Variants in PRRC2B observed in about 807,000 individuals in gnomAD.
The protein encoded by PRRC2B is proline rich coiled-coil 2B, also known as protein PRRC2B.
A neutral mutation model predicts 242.3 loss-of-function variants in PRRC2B; 68 were observed. That is an observed-to-expected ratio of 0.28 (90% CI 0.23 to 0.34). PRRC2B has a LOEUF of 0.34. PRRC2B is among the 10% of genes least tolerant of loss of function. The pLI is 1.00. For synonymous variants in PRRC2B, 1,228 were observed against 1,173.6 expected, an observed-to-expected ratio of 1.05 and a Z score of -0.95; for missense variants, 2,835 against 2,954.8, an observed-to-expected ratio of 0.96 and a Z score of 0.94.
intron 1 of PRRC2B, among the ~76,000 whole-genome samples, chr9:131,415,970 T>A (rs1837637511): frequency 6.7e-6 from 1 of 148,926 alleles, no homozygotes; most frequent in African/African-American, 2.5e-5. Flanking sequence ...CCCACCCCCA[T>A]GTTTCTGGAA....
intron 1 of PRRC2B, among the ~76,000 whole-genome samples, chr9:131,383,680 G>A (rs534154758): frequency 2.0e-5 from 3 of 147,426 alleles, no homozygotes; most frequent in South Asian, 2.3e-4. Context: ...GGAGTGCAGC[G>A]GCTCGATCTC....
intron 9 of PRRC2B, among the ~76,000 whole-genome samples, chr9:131,454,529 A>C (rs1943013454): frequency 6.6e-6 from 1 of 152,212 alleles, no homozygotes; most frequent in Non-Finnish European, 1.5e-5. Flanking sequence ...CCCTTCAGTC[A>C]CAGGGGTAGG....
intron 10 of PRRC2B, among the ~76,000 whole-genome samples, chr9:131,458,342 C>T (rs767925667): frequency 2.0e-5 from 3 of 152,134 alleles, no homozygotes; most frequent in Non-Finnish European, 4.4e-5. Flanking sequence ...CTTGATGAGA[C>T]TCAGCTACTG....
intron 1 of PRRC2B, among the ~76,000 whole-genome samples, chr9:131,388,401 C>A (rs1389005112): frequency 6.7e-6 from 1 of 148,884 alleles, no homozygotes; most frequent in Non-Finnish European, 1.5e-5. Flanking sequence ...CCACCACACC[C>A]ATCTAATTTT....
At chr9:131,403,047 C>T (rs919758513) in intron 1 of PRRC2B, among the ~76,000 whole-genome samples, 3 of 152,228 alleles carry the variant, frequency 2.0e-5, no homozygotes, top group African/African-American at 7.2e-5. Context: ...CTCCAGGACT[C>T]TTTCCATGGG....
chr9:131,390,197 G>A (rs976697203), upstream of PRRC2B, among the ~76,000 whole-genome samples: 1 of 150,238 alleles, frequency 6.7e-6, no homozygotes, highest in African/African-American at 2.4e-5. Flanking sequence ...ACAGGCGTGA[G>A]CCACTGCGTC....
Position 131,477,804 on chromosome 9 carries a change from C to A in PRRC2B, c.4467C>A (p.Ser1489=), listed in dbSNP as rs1180582830. ...LSGCSSGSGH[S]PYALERAAHA... ...GCTGCAGCAGTGGGAGTGGCCACTC[C>A]CCCTATGCCCTGGAGCGGGCAGCCC... The change falls in exon 17 of 32, where the codon TCC becomes TCA. Residue 1489 remains serine, a synonymous_variant. Coordinates refer to ENST00000683519, the MANE Select transcript of PRRC2B (RefSeq NM_013318.4). 1 of 1,612,448 alleles carries A rather than the reference C, an allele frequency of 6.2e-7. No individual in the cohort carries two copies. The highest frequency in any genetic ancestry group is 1.3e-5 in the African/African-American group (1 of 74,910).
chr9:131,480,211 G>GGCC (rs1943818071), intron 19 of PRRC2B, among the ~76,000 whole-genome samples: 1 of 152,236 alleles, frequency 6.6e-6, no homozygotes, highest in Non-Finnish European at 1.5e-5. Flanking sequence ...CATAGGACAA[G>GGCC]CACCCGAGAC....
intron 6 of PRRC2B, among the ~76,000 whole-genome samples, chr9:131,445,164 GCT>G (rs1491416897): frequency 6.6e-6 from 1 of 151,148 alleles, no homozygotes; most frequent in Non-Finnish European, 1.5e-5. Flanking sequence ...TTATTTTGCT[GCT>G]TTTTTTTTTT....
At chr9:131,415,044 G>C (rs1433478801) in intron 1 of PRRC2B, among the ~76,000 whole-genome samples, 1 of 152,124 alleles carries the variant, frequency 6.6e-6, no homozygotes, top group Non-Finnish European at 1.5e-5. Context: ...CCACGCCGGA[G>C]TACAGTGGCA....
chr9:131,404,371 C>T (rs1428336217), intron 1 of PRRC2B, among the ~76,000 whole-genome samples: 1 of 152,000 alleles, frequency 6.6e-6, no homozygotes, highest in Non-Finnish European at 1.5e-5. Flanking sequence ...AGGCATCCGC[C>T]ACCATGCCTA....
chr9:131,478,536 G>T lies in PRRC2B; in HGVS notation c.4675G>T (p.Gly1559Cys), dbSNP rs1367177453. The T allele has an allele frequency of 6.2e-7, 1 of 1,613,358 alleles. No homozygotes were observed. Among genetic ancestry groups the T allele is most frequent in the Non-Finnish European group, 8.5e-7 (1 of 1,179,530 alleles). Residue 1559 changes from glycine (G) to cysteine (C), a missense_variant, in exon 18 of 32, where the codon GGC becomes TGC. Physicochemically the swap from Gly to Cys is radical, Grantham distance 159. Transcript: ENST00000683519. Reference protein sequence around the residue: ...GEESEVGSMVGEGFIEVLTKK... With the variant: ...GEESEVGSMVCEGFIEVLTKK... ...GGAGAGTGAGGTGGGTTCTATGGTG[G>T]GCGAAGGCTTCATCGAAGTCCTGAC... is the stretch of plus-strand genomic sequence containing the variant.
upstream of PRRC2B, among the ~76,000 whole-genome samples, chr9:131,392,926 AAAAAAAG>A (rs889316135): frequency 6.6e-6 from 1 of 151,970 alleles, no homozygotes; most frequent in Non-Finnish European, 1.5e-5. Context: ...TCAAAAAAAA[AAAAAAAG>A]AAAAAAGAAA....
intron 1 of PRRC2B, among the ~76,000 whole-genome samples, chr9:131,384,575 C>T (rs10441802): frequency 0.11 from 16,419 of 151,952 alleles, 1,121 homozygotes; most frequent in African/African-American, 0.19. Flanking sequence ...TGAGCCACTG[C>T]GCCCGGCCTA....
intron 1 of PRRC2B, among the ~76,000 whole-genome samples, chr9:131,420,195 G>A (rs1837765040): frequency 6.6e-6 from 1 of 152,100 alleles, no homozygotes; most frequent in Admixed American, 6.6e-5. Context: ...TGGGTTACCA[G>A]GAACCCCACT....
intron 4 of PRRC2B, among the ~76,000 whole-genome samples, chr9:131,437,449 T>C (rs1838411558): frequency 6.6e-6 from 1 of 152,208 alleles, no homozygotes; most frequent in Non-Finnish European, 1.5e-5. Context: ...TTTCCAGAGA[T>C]TGGCAGGAGG....
rs770406309 is a variant in PRRC2B at position 131,483,403 on chromosome 9, T to C, written c.5418T>C (p.Thr1806=). ...SLPPGSASGP[T]GSPVVKLQDA... is the part of the protein sequence containing the mutation. ...CACCTGGTTCTGCCTCTGGTCCTAC[T>C]GGGAGTCCAGTTGTTAAACTTCAGG... The change falls in exon 23 of 32, where the codon ACT becomes ACC. Residue 1806 remains threonine (T), a synonymous_variant. Coordinates refer to ENST00000683519, the MANE Select transcript of PRRC2B (RefSeq NM_013318.4). 3 of 1,613,838 alleles carry C rather than the reference T, an allele frequency of 1.9e-6. No individual in the cohort carries two copies. In the East Asian group the frequency reaches 6.7e-5, roughly 36 times the overall value.
chr9:131,413,976 A>G (rs1201566773), intron 1 of PRRC2B, among the ~76,000 whole-genome samples: 3 of 152,208 alleles, frequency 2.0e-5, no homozygotes, highest in Non-Finnish European at 4.4e-5. Flanking sequence ...GGCCTTAATC[A>G]AAGCATTCTT....
chr9:131,427,350 T>A (rs1011932744), intron 1 of PRRC2B, among the ~76,000 whole-genome samples: 1 of 151,988 alleles, frequency 6.6e-6, no homozygotes, highest in Non-Finnish European at 1.5e-5. Flanking sequence ...TGTGTTTTTT[T>A]GATGGAGTCT....
Sources: gnomAD v4.1 joint callset for allele counts (sites outside exome capture counted in the v4.1 genomes callset) on GRCh38, gnomAD v4.1.1 for gene constraint, MANE v1.5 for transcripts, NCBI Gene and HGNC (gene_info 2026-07-23, HGNC 2026-07-21) for gene names.